Variants in KBTBD11 observed in about 807,000 individuals in gnomAD.
KBTBD11 encodes the protein kelch repeat and BTB domain containing 11, also known as kelch repeat and BTB domain-containing protein 11.
For synonymous variants in KBTBD11, 747 were observed against 499.0 expected (o/e 1.50, Z -6.63); for missense variants, 1,390 against 1,001.8 (o/e 1.39, Z -5.23).
chr8:1,982,479 CA>C (rs146300677), intron 1 of KBTBD11, among the ~76,000 whole-genome samples: 6,489 of 148,530 alleles, frequency 0.044, 166 homozygotes, highest in Middle Eastern at 0.092. Flanking sequence ...GTTAAAAAAA[CA>C]TATAAGACCC....
chr8:1,988,736 A>G (rs1450319854), intron 1 of KBTBD11, among the ~76,000 whole-genome samples: 2 of 152,182 alleles, frequency 1.3e-5, no homozygotes, highest in Non-Finnish European at 2.9e-5. Context: ...CTTGAGCCCC[A>G]TGGGGCTGGG....
intron 1 of KBTBD11, among the ~76,000 whole-genome samples, chr8:1,993,801 A>C (rs1239436487): frequency 6.6e-6 from 1 of 151,962 alleles, no homozygotes; most frequent in Non-Finnish European, 1.5e-5. Flanking sequence ...AGAATGCACC[A>C]TGGCAGCTTG....
intron 1 of KBTBD11, among the ~76,000 whole-genome samples, chr8:1,977,682 C>T (rs1364121453): frequency 9.0e-6 from 1 of 110,864 alleles, no homozygotes; most frequent in Non-Finnish European, 1.8e-5. Flanking sequence ...CTCCAGCACA[C>T]CCAACTTATT....
intron 1 of KBTBD11, chr8:1,974,576 A>G (rs971059434): frequency 2.0e-6 from 2 of 980,398 alleles, no homozygotes; most frequent in African/African-American, 3.6e-5. Flanking sequence ...CTGGCTGCTG[A>G]CCCCCGCGAG....
intron 1 of KBTBD11, among the ~76,000 whole-genome samples, chr8:1,999,047 G>A (rs562066222): frequency 3.9e-5 from 6 of 152,288 alleles, no homozygotes; most frequent in African/African-American, 1.4e-4. Context: ...AGAGCTTCAA[G>A]GTTCTCAGAA....
chr8:1,997,476 C>T (rs1434511269), intron 1 of KBTBD11, among the ~76,000 whole-genome samples: 2 of 152,174 alleles, frequency 1.3e-5, no homozygotes, highest in Non-Finnish European at 2.9e-5. Flanking sequence ...CCTGCTTAAC[C>T]TCATTTCCCA....
chr8:1,984,977 G>T (rs1472920770), intron 1 of KBTBD11, among the ~76,000 whole-genome samples: 1 of 152,176 alleles, frequency 6.6e-6, no homozygotes, highest in Non-Finnish European at 1.5e-5. Flanking sequence ...ATGTGCTTTT[G>T]AATCAGGGTG....
In KBTBD11 at chr8:1,976,999, C is replaced by T. The variant is rs1232622106; in HGVS notation, c.-909+3064C>T. ...CACTTTAGAGCAAGGTCCTCCAACCCATGGGCCACGAGCCACATGTGGCCC... is the reference window on the plus strand; with the variant it reads ...CACTTTAGAGCAAGGTCCTCCAACCTATGGGCCACGAGCCACATGTGGCCC... On this transcript the variant is annotated intron_variant, in intron 1 of 1. Coordinates refer to ENST00000320248, the MANE Select transcript of KBTBD11 (RefSeq NM_014867.3). 2.6e-5 allele frequency among the ~76,000 whole-genome samples: 4 copies of T among 152,064 alleles called. No homozygotes were observed. In the South Asian group the frequency reaches 8.3e-4, roughly 32 times the overall value.
chr8:2,003,178 T>G lies in KBTBD11; in HGVS notation c.*114T>G. 2 of 1,243,690 alleles carry G rather than the reference T, an allele frequency of 1.6e-6. No homozygotes were observed. Among genetic ancestry groups the G allele is most frequent in the Non-Finnish European group, 2.0e-6 (2 of 985,874 alleles). The allele number at this position is 1,243,690 out of a possible 1,614,324, so 77.0% of individuals were successfully genotyped here. A position where few individuals can be genotyped will look rare whatever the true frequency, so the allele number is the denominator to read the frequency against. On this transcript the variant is annotated 3_prime_UTR_variant, in exon 2 of 2. Coordinates refer to ENST00000320248, the MANE Select transcript of KBTBD11 (RefSeq NM_014867.3). ...CGGGGCCGCTGGCCACGCTGGTGGT[T>G]TGGACACTTCGAAGGAGCCCCGAGG...
rs1817481096 is a variant in KBTBD11, at chr8:2,003,571, C to T, written c.*507C>T. ...TTCTGATTTAGTTGAAAATTTCGTA[C>T]CATGTGCTCGCTTTGGTTGGCTCAA... On this transcript the variant is annotated 3_prime_UTR_variant, in exon 2 of 2. Transcript: ENST00000320248. 1 of 167,440 alleles carries T rather than the reference C, an allele frequency of 6.0e-6. No individual in the cohort carries two copies. Among genetic ancestry groups the T allele is most frequent in the East Asian group, 1.9e-4 (1 of 5,204 alleles). The allele number at this position is 167,440 out of a possible 1,614,324, so 10.4% of individuals were successfully genotyped here. A position where few individuals can be genotyped will look rare whatever the true frequency, so the allele number is the denominator to read the frequency against.
chr8:1,997,402 G>GA (rs57378017), intron 1 of KBTBD11, among the ~76,000 whole-genome samples: 23,216 of 139,844 alleles, frequency 0.17, 1,849 homozygotes, highest in Non-Finnish European at 0.18. Context: ...GGTCATTCTG[G>GA]AAAAAAAAAA....
intron 1 of KBTBD11, among the ~76,000 whole-genome samples, chr8:1,995,414 A>C (rs1817101197): frequency 6.6e-6 from 1 of 152,208 alleles, no homozygotes; most frequent in African/African-American, 2.4e-5. Context: ...TTTACAAGGA[A>C]AATGTATTTC....
At position 2,004,041 on chromosome 8, in the gene KBTBD11, A is replaced by G. The variant is rs1246607909; in HGVS notation, c.*977A>G. 1.8e-5 allele frequency: 3 copies of G among 166,868 alleles called. No individual in the cohort carries two copies. Among genetic ancestry groups the G allele is most frequent in the Non-Finnish European group, 2.9e-5 (2 of 68,128 alleles). 10.3% of individuals were successfully genotyped at this position (166,868 alleles called of 1,614,324 possible). ...TAGGCACATTTTAAACCCACTGTAT[A>G]TGATGTTTTCAATGTGGATCGTGTA... is the stretch of plus-strand genomic sequence containing the variant. On this transcript the variant is annotated 3_prime_UTR_variant, in exon 2 of 2. Coordinates refer to ENST00000320248, the MANE Select transcript of KBTBD11 (RefSeq NM_014867.3).
intron 1 of KBTBD11, among the ~76,000 whole-genome samples, chr8:1,978,610 C>T (rs1271068703): frequency 1.3e-5 from 2 of 152,148 alleles, no homozygotes; most frequent in Non-Finnish European, 2.9e-5. Flanking sequence ...TCTCACGAGG[C>T]GGGGAGGTCA....
intron 1 of KBTBD11, among the ~76,000 whole-genome samples, chr8:1,990,117 T>A (rs1335504978): frequency 1.3e-5 from 2 of 152,204 alleles, no homozygotes; most frequent in Non-Finnish European, 2.9e-5. Flanking sequence ...GATCTGCCTG[T>A]CTCAAGTGTG....
At position 2,003,119 on chromosome 8, in the gene KBTBD11, C is replaced by T; in HGVS notation, c.*55C>T. ...GCAGGGGTTTGCGGGGCCCAGGTCCCTTTGGGCCCGCGGAGGAGGACGTGG... is the reference window on the plus strand; with the variant it reads ...GCAGGGGTTTGCGGGGCCCAGGTCCTTTTGGGCCCGCGGAGGAGGACGTGG... On this transcript the variant is annotated 3_prime_UTR_variant, in exon 2 of 2. Transcript: ENST00000320248. 8.0e-7 allele frequency: 1 copy of T among 1,252,450 alleles called. No homozygotes were observed. The highest frequency in any genetic ancestry group is 4.2e-5 in the Admixed American group (1 of 23,644). The allele number at this position is 1,252,450 out of a possible 1,614,324, so 77.6% of individuals were successfully genotyped here. A position where few individuals can be genotyped will look rare whatever the true frequency, so the allele number is the denominator to read the frequency against.
chr8:1,996,182 G>A (rs1376924148), intron 1 of KBTBD11, among the ~76,000 whole-genome samples: 2 of 152,254 alleles, frequency 1.3e-5, no homozygotes, highest in African/African-American at 2.4e-5. Context: ...AGGCCATGTG[G>A]GCACGGCCCA....
intron 1 of KBTBD11, among the ~76,000 whole-genome samples, chr8:1,983,360 G>C (rs1469325315): frequency 6.6e-6 from 1 of 152,206 alleles, no homozygotes; most frequent in Non-Finnish European, 1.5e-5. Context: ...CCCCAGTCAC[G>C]ATGCTCCTTT....
At position 2,002,525 on chromosome 8, in the gene KBTBD11, G is replaced by A. The variant is rs561225998; in HGVS notation, c.1333G>A (p.Ala445Thr). ...WAPVAPLPRG[A>T]FAVAHEATTC... The stretch of plus-strand genomic sequence containing the variant: ...CCCCGTGGCGCCGCTGCCCCGGGGC[G>A]CCTTCGCCGTGGCGCATGAGGCCAC... Residue 445 changes from alanine (A) to threonine (T), a missense_variant, in exon 2 of 2, where the codon GCC becomes ACC. Transcript: ENST00000320248. This position sits in a 1 kb window ranked among gnomAD's most constrained non-coding sequence, Gnocchi z 4.1. 3 of 1,535,712 alleles carry A rather than the reference G, an allele frequency of 2.0e-6. No homozygotes were observed. The highest frequency in any genetic ancestry group is 2.0e-5 in the Admixed American group (1 of 49,770).
Sources: gnomAD v4.1 joint callset for allele counts (sites outside exome capture counted in the v4.1 genomes callset) on GRCh38, gnomAD v4.1.1 for gene constraint, Gnocchi (gnomAD v3.1) non-coding constraint, MANE v1.5 for transcripts, NCBI Gene and HGNC (gene_info 2026-07-23, HGNC 2026-07-21) for gene names.